The following CUX2 variants were observed in gnomAD, a reference collection of about 807,000 sequenced individuals.
CUX2 encodes the protein homeobox protein cut-like 2.
Under a neutral mutation model 144.8 loss-of-function variants are expected in CUX2, and 40 were observed. The observed-to-expected ratio is 0.28, with a 90% CI of 0.21 to 0.36. The LOEUF is 0.36. Among genes scored for constraint, CUX2 ranks in the 10% least tolerant of loss-of-function variants. CUX2 has a pLI of 1.00. For missense variants in CUX2, 1,615 were observed against 1,994.0 expected, an observed-to-expected ratio of 0.81 and a Z score of 3.62; for synonymous variants, 827 against 875.6, an observed-to-expected ratio of 0.94 and a Z score of 0.98.
intron 1 of CUX2, among the ~76,000 whole-genome samples, chr12:111,194,211 C>T (rs758450599): frequency 5.3e-5 from 8 of 152,146 alleles, no homozygotes; most frequent in African/African-American, 1.2e-4. Context: ...TGTGCCTCAG[C>T]GGTGCTCATC....
At chr12:111,298,494 G>A in intron 8 of CUX2, 47 bp from the exon 9 acceptor site, 1 of 1,546,712 alleles carries the variant, frequency 6.5e-7, no homozygotes, top group South Asian at 1.2e-5. Flanking sequence ...GCGGGGGCCT[G>A]GAGCCCGCCG....
chr12:111,197,630 C>A (rs866656919), intron 1 of CUX2, among the ~76,000 whole-genome samples: 12 of 152,294 alleles, frequency 7.9e-5, no homozygotes, highest in South Asian at 4.1e-4. Context: ...ATGCCAGTGG[C>A]GGCCTGTCTT....
intron 18 of CUX2, among the ~76,000 whole-genome samples, chr12:111,328,617 T>C (rs560427998): frequency 1.3e-5 from 2 of 149,792 alleles, no homozygotes; most frequent in East Asian, 4.0e-4. Context: ...TGTGTGTGTG[T>C]GTGACAGAGT....
At chr12:111,083,484 G>A (rs866735413) in intron 1 of CUX2, among the ~76,000 whole-genome samples, 2 of 152,152 alleles carry the variant, frequency 1.3e-5, no homozygotes, top group Non-Finnish European at 2.9e-5. Context: ...GGACCCCAGA[G>A]TCAATGCATC....
chr12:111,147,390 G>A (rs1876750449), intron 1 of CUX2, among the ~76,000 whole-genome samples: 1 of 152,168 alleles, frequency 6.6e-6, no homozygotes, highest in African/African-American at 2.4e-5. Flanking sequence ...TGGGATTTAT[G>A]TCCCCATGGT....
chr12:111,259,136 CA>C (rs1364891469), intron 3 of CUX2, among the ~76,000 whole-genome samples: 1 of 151,796 alleles, frequency 6.6e-6, no homozygotes, highest in African/African-American at 2.4e-5. Context: ...CTCCTGGACT[CA>C]AGTGATCCTC....
intron 15 of CUX2, among the ~76,000 whole-genome samples, chr12:111,311,899 C>T (rs966809959): frequency 1.3e-5 from 2 of 152,006 alleles, no homozygotes; most frequent in African/African-American, 2.4e-5. Context: ...TGCCTGGCCT[C>T]GTTATTATGA....
At chr12:111,230,092 G>A (rs991343926) in intron 3 of CUX2, among the ~76,000 whole-genome samples, 1 of 151,356 alleles carries the variant, frequency 6.6e-6, no homozygotes, top group African/African-American at 2.4e-5. Flanking sequence ...GGTCGAGGCT[G>A]CAACAGTGAG....
At chr12:111,275,212 G>A (rs1209686232) in intron 4 of CUX2, among the ~76,000 whole-genome samples, 3 of 152,150 alleles carry the variant, frequency 2.0e-5, no homozygotes, top group South Asian at 2.1e-4. Context: ...ACTTCCCCAC[G>A]GTGTCCCCCA....
intron 4 of CUX2, among the ~76,000 whole-genome samples, chr12:111,278,061 T>C (rs1884963468): frequency 6.6e-6 from 1 of 152,214 alleles, no homozygotes; most frequent in African/African-American, 2.4e-5. Context: ...GGCAGCCTCT[T>C]CAGTCAATCT....
chr12:111,168,584 T>G (rs1412363160), intron 1 of CUX2, among the ~76,000 whole-genome samples: 1 of 152,216 alleles, frequency 6.6e-6, no homozygotes, highest in Non-Finnish European at 1.5e-5. Flanking sequence ...TAGCTCTGCC[T>G]GACAACAGAG....
intron 1 of CUX2, chr12:111,099,496 G>A: frequency 2.2e-6 from 1 of 455,040 alleles, no homozygotes; most frequent in Non-Finnish European, 4.4e-6. Context: ...TGAGACTCGG[G>A]TTTGCAGGCA....
At chr12:111,146,452 G>C (rs1040007065) in intron 1 of CUX2, among the ~76,000 whole-genome samples, 5 of 152,122 alleles carry the variant, frequency 3.3e-5, no homozygotes, top group African/African-American at 1.2e-4. Flanking sequence ...GTGTGATATG[G>C]TTTGGCTGTG....
intron 1 of CUX2, among the ~76,000 whole-genome samples, chr12:111,191,306 ATTAT>A (rs200077725): frequency 0.15 from 22,468 of 146,660 alleles, 2,169 homozygotes; most frequent in East Asian, 0.53. Context: ...TTATTCTTTT[ATTAT>A]TTATTTATTT....
rs960613169 is a variant in CUX2 at position 111,092,496 on chromosome 12, G to A, written c.63+58256G>A. 3.9e-5 allele frequency among the ~76,000 whole-genome samples: 6 copies of A among 152,130 alleles called. No individual in the cohort carries two copies. In the South Asian group the frequency reaches 6.2e-4, roughly 16 times the overall value. On this transcript the variant is annotated intron_variant, in intron 1 of 21. Coordinates refer to ENST00000261726, the MANE Select transcript of CUX2 (RefSeq NM_015267.4). ...CGGCTGTTGGGAAGACATCACTGTG[G>A]GTTTTAATGCTAGACACTGACTAGT...
In CUX2 at chr12:111,171,972, C is replaced by T. The variant is rs940716797; in HGVS notation, c.64-42228C>T. On this transcript the variant is annotated intron_variant, in intron 1 of 21. Transcript: ENST00000261726. The surrounding 1 kb of genome is among the most constrained non-coding windows in gnomAD (Gnocchi z 5.0). The stretch of plus-strand genomic sequence containing the variant: ...GCGTGTGTGTGCGTGCATGTGCATG[C>T]ACCTGTGTGTGTGTGCATGTGCCTG... Among the ~76,000 whole-genome samples, 7 of 151,678 alleles carry T rather than the reference C, an allele frequency of 4.6e-5. No individual in the cohort carries two copies. Among genetic ancestry groups the T allele is most frequent in the Non-Finnish European group, 1.0e-4 (7 of 67,916 alleles).
At chr12:111,173,451 G>A (rs1241880966) in intron 1 of CUX2, among the ~76,000 whole-genome samples, 1 of 152,252 alleles carries the variant, frequency 6.6e-6, no homozygotes, top group African/African-American at 2.4e-5. Flanking sequence ...GCAACATATA[G>A]TTCCGGGGCA....
chr12:111,040,495 G>A (rs1170603020), intron 1 of CUX2, among the ~76,000 whole-genome samples: 1 of 151,548 alleles, frequency 6.6e-6, no homozygotes, highest in East Asian at 1.9e-4. Context: ...GCTTTCCTCT[G>A]CCTGCGACCC....
intron 1 of CUX2, among the ~76,000 whole-genome samples, chr12:111,164,922 G>T (rs896951293): frequency 6.6e-6 from 1 of 152,162 alleles, no homozygotes; most frequent in East Asian, 1.9e-4. Flanking sequence ...CAGGTGACTC[G>T]TGTGAAAATT....
Sources: gnomAD v4.1 joint callset for allele counts (sites outside exome capture counted in the v4.1 genomes callset) on GRCh38, gnomAD v4.1.1 for gene constraint, Gnocchi (gnomAD v3.1) non-coding constraint, MANE v1.5 for transcripts, NCBI Gene and HGNC (gene_info 2026-07-23, HGNC 2026-07-21) for gene names.